Variants in MTUS2 observed in about 807,000 individuals in gnomAD.
MTUS2 encodes the protein microtubule associated scaffold protein 2, also known as microtubule-associated tumor suppressor candidate 2.
Under a neutral mutation model 114.1 loss-of-function variants are expected in MTUS2, and 40 were observed. The observed-to-expected ratio is 0.35, with a 90% CI of 0.27 to 0.46. MTUS2 has a LOEUF of 0.46. MTUS2 is among the 20% of genes least tolerant of loss of function. MTUS2 has a pLI of 1.00. For synonymous variants in MTUS2, 688 were observed against 672.0 expected (o/e 1.02, Z -0.37); for missense variants, 1,679 against 1,705.4 (o/e 0.98, Z 0.27).
chr13:29,205,579 G>T (rs140508048), intron 5 of MTUS2, among the ~76,000 whole-genome samples: 2 of 152,250 alleles, frequency 1.3e-5, no homozygotes, highest in East Asian at 3.9e-4. Context: ...ATTCCCCAAA[G>T]TCCCCAGAGT....
chr13:29,054,101 G>A (rs1411465646), intron 4 of MTUS2, among the ~76,000 whole-genome samples: 2 of 152,082 alleles, frequency 1.3e-5, no homozygotes, highest in Non-Finnish European at 2.9e-5. Flanking sequence ...TTTAATATTA[G>A]CCAGTCCAGT....
At chr13:29,306,948 T>A (rs1437370817) in intron 6 of MTUS2, 7 of 545,430 alleles carry the variant, frequency 1.3e-5, no homozygotes, top group Non-Finnish European at 2.2e-5. Flanking sequence ...GCAAATTCCA[T>A]GGCACTGTCA....
intron 11 of MTUS2, among the ~76,000 whole-genome samples, chr13:29,491,798 GTA>G (rs1418289976): frequency 1.7e-4 from 24 of 143,362 alleles, no homozygotes; most frequent in African/African-American, 5.9e-4. Flanking sequence ...TGTATGTAGC[GTA>G]TGTGATGTGT....
chr13:29,385,315 T>C (rs1345645124), intron 8 of MTUS2, among the ~76,000 whole-genome samples: 1 of 152,234 alleles, frequency 6.6e-6, no homozygotes, highest in Non-Finnish European at 1.5e-5. Context: ...TGAAGAGCGA[T>C]GCTCAGAGCA....
chr13:29,494,231 G>A (rs1241149373), intron 12 of MTUS2, among the ~76,000 whole-genome samples: 1 of 152,212 alleles, frequency 6.6e-6, no homozygotes, highest in Non-Finnish European at 1.5e-5. Context: ...CTAATAAGTG[G>A]CAGCTGTTGT....
intron 5 of MTUS2, among the ~76,000 whole-genome samples, chr13:29,207,434 A>G (rs1439135689): frequency 2.6e-5 from 4 of 151,836 alleles, no homozygotes; most frequent in Non-Finnish European, 1.5e-5. Context: ...TTGTCTGATT[A>G]CTCTGGCTAG....
chr13:28,873,548 C>T (rs1877750071), intron 2 of MTUS2, among the ~76,000 whole-genome samples: 1 of 152,200 alleles, frequency 6.6e-6, no homozygotes, highest in African/African-American at 2.4e-5. Flanking sequence ...AGACTTTTTG[C>T]CTTAACACTA....
chr13:29,293,075 A>T (rs772403577), intron 6 of MTUS2, among the ~76,000 whole-genome samples: 12 of 152,196 alleles, frequency 7.9e-5, no homozygotes, highest in Non-Finnish European at 1.5e-4. Context: ...CTTTTTTAGT[A>T]TGACATAAAA....
At chr13:28,921,930 A>G (rs988527914) in intron 2 of MTUS2, among the ~76,000 whole-genome samples, 23 of 152,188 alleles carry the variant, frequency 1.5e-4, no homozygotes, top group African/African-American at 3.4e-4. Flanking sequence ...CACAAGCACA[A>G]CCTGGCTGGT....
chr13:29,401,480 A>G (rs541031498), intron 8 of MTUS2, among the ~76,000 whole-genome samples: 1 of 152,278 alleles, frequency 6.6e-6, no homozygotes, highest in Non-Finnish European at 1.5e-5. Flanking sequence ...TGATACAGCA[A>G]AAGTTTTCGT....
intron 4 of MTUS2, among the ~76,000 whole-genome samples, chr13:29,076,445 G>A (rs1889196297): frequency 6.6e-6 from 1 of 152,194 alleles, no homozygotes; most frequent in African/African-American, 2.4e-5. Flanking sequence ...GAACAGCTTG[G>A]CTGAGTGATC....
chr13:29,127,316 C>A (rs1362186993), intron 5 of MTUS2, among the ~76,000 whole-genome samples: 3 of 152,212 alleles, frequency 2.0e-5, no homozygotes, highest in Non-Finnish European at 4.4e-5. Context: ...CAGTTATTCA[C>A]TGGACACTCA....
intron 5 of MTUS2, among the ~76,000 whole-genome samples, chr13:29,201,854 G>A (rs1182716699): frequency 1.3e-5 from 2 of 152,176 alleles, no homozygotes; most frequent in Non-Finnish European, 2.9e-5. Context: ...TGGCTTGTAT[G>A]GTTTCTGCGG....
intron 2 of MTUS2, among the ~76,000 whole-genome samples, chr13:29,020,622 A>T (rs1886253346): frequency 6.6e-6 from 1 of 152,198 alleles, no homozygotes. Context: ...TTCCTGTCTT[A>T]TGTGAACTTC....
intron 2 of MTUS2, among the ~76,000 whole-genome samples, chr13:28,946,732 T>C (rs1436186104): frequency 1.3e-5 from 2 of 152,094 alleles, no homozygotes; most frequent in African/African-American, 2.4e-5. Flanking sequence ...TTTCTTTTTG[T>C]GGAGATGGGG....
chr13:29,313,394 A>T (rs1899854647), intron 6 of MTUS2, among the ~76,000 whole-genome samples: 1 of 152,220 alleles, frequency 6.6e-6, no homozygotes, highest in South Asian at 2.1e-4. Flanking sequence ...AAGCACATTT[A>T]CCAAGTTAGG....
At chr13:29,201,465 T>C (rs1365685458) in intron 5 of MTUS2, among the ~76,000 whole-genome samples, 1 of 152,192 alleles carries the variant, frequency 6.6e-6, no homozygotes, top group Non-Finnish European at 1.5e-5. Context: ...TTATCCAATT[T>C]ATCAGTCTGT....
intron 4 of MTUS2, among the ~76,000 whole-genome samples, chr13:29,057,756 C>A (rs759086505): frequency 6.6e-6 from 1 of 152,062 alleles, no homozygotes; most frequent in Non-Finnish European, 1.5e-5. Context: ...ATCTAGCTTG[C>A]CATTCTGTGT....
intron 8 of MTUS2, among the ~76,000 whole-genome samples, chr13:29,379,356 C>T (rs1285582582): frequency 2.0e-5 from 3 of 152,150 alleles, no homozygotes; most frequent in Non-Finnish European, 4.4e-5. Flanking sequence ...CTGGTACCAT[C>T]CTCATGCCTG....
Sources: gnomAD v4.1 joint callset for allele counts (sites outside exome capture counted in the v4.1 genomes callset) on GRCh38, gnomAD v4.1.1 for gene constraint, MANE v1.5 for transcripts, NCBI Gene and HGNC (gene_info 2026-07-23, HGNC 2026-07-21) for gene names.